PACRG: variants seen among roughly 807,000 people sequenced by gnomAD.
PACRG encodes the protein parkin coregulated gene protein.
Under a neutral mutation model 29.7 loss-of-function variants are expected in PACRG, and 29 were observed. That is an observed-to-expected ratio of 0.98 (90% CI 0.73 to 1.33). PACRG has a LOEUF of 1.33. Among genes scored for constraint, PACRG ranks in the 40% most tolerant of loss-of-function variants. The pLI is 0.00. For missense variants in PACRG, 279 were observed against 316.2 expected, an observed-to-expected ratio of 0.88 and a Z score of 0.89; for synonymous variants, 116 against 118.7, an observed-to-expected ratio of 0.98 and a Z score of 0.15.
intron 4 of PACRG, among the ~76,000 whole-genome samples, chr6:163,269,764 GAC>G (rs56863034): frequency 0.1 from 6,006 of 57,798 alleles, 829 homozygotes; most frequent in African/African-American, 0.15. Context: ...GAGAGAGAGA[GAC>G]AGACAGACAG....
intron 4 of PACRG, among the ~76,000 whole-genome samples, chr6:163,229,788 C>G (rs1781954176): frequency 6.6e-6 from 1 of 152,184 alleles, no homozygotes; most frequent in South Asian, 2.1e-4. Context: ...CTGACTTCCT[C>G]TCATGAGGAC....
intron 2 of PACRG, among the ~76,000 whole-genome samples, chr6:163,035,833 A>G (rs1173197694): frequency 1.3e-5 from 2 of 151,308 alleles, no homozygotes; most frequent in Non-Finnish European, 2.9e-5. Context: ...AAAAAAAAAA[A>G]ACAAAGAATG....
chr6:163,229,776 C>T (rs1562328027), intron 4 of PACRG, among the ~76,000 whole-genome samples: 3 of 152,136 alleles, frequency 2.0e-5, no homozygotes, highest in Admixed American at 6.5e-5. Context: ...ATGAGGAAAG[C>T]GCTGACTTCC....
At chr6:162,905,439 A>G (rs1376615128) in intron 2 of PACRG, among the ~76,000 whole-genome samples, 1 of 152,184 alleles carries the variant, frequency 6.6e-6, no homozygotes, top group Non-Finnish European at 1.5e-5. Flanking sequence ...TGCTGACCAG[A>G]CTGGCAGCAT....
chr6:162,864,024 T>C (rs958203609), intron 2 of PACRG, among the ~76,000 whole-genome samples: 2 of 152,290 alleles, frequency 1.3e-5, no homozygotes, highest in South Asian at 4.1e-4. Context: ...CCAAGGAATT[T>C]TCCATCCTCT....
intron 2 of PACRG, among the ~76,000 whole-genome samples, chr6:162,995,348 C>T (rs906397751): frequency 5.3e-5 from 8 of 151,568 alleles, no homozygotes; most frequent in Admixed American, 2.0e-4. Flanking sequence ...GCCTCGCTGC[C>T]GCCTTGCAGT....
chr6:162,894,991 T>A (rs1241984239), intron 2 of PACRG, among the ~76,000 whole-genome samples: 1 of 152,118 alleles, frequency 6.6e-6, no homozygotes, highest in African/African-American at 2.4e-5. Context: ...ACATTGAAGA[T>A]TAAAAATAAA....
intron 2 of PACRG, among the ~76,000 whole-genome samples, chr6:162,822,030 T>C (rs1787888510): frequency 6.6e-6 from 1 of 152,218 alleles, no homozygotes. Flanking sequence ...TACATGTATG[T>C]ATGTTTTTTA....
intron 2 of PACRG, among the ~76,000 whole-genome samples, chr6:162,970,374 A>C (rs9355415): frequency 0.58 from 87,591 of 151,474 alleles, 25,505 homozygotes; most frequent in Middle Eastern, 0.71. Context: ...CTTAGGTTCT[A>C]CTGGAGAGCT....
intron 2 of PACRG, among the ~76,000 whole-genome samples, chr6:162,978,017 G>A (rs867063392): frequency 7.2e-5 from 11 of 151,738 alleles, no homozygotes; most frequent in South Asian, 4.2e-4. Context: ...GTTGGCAGGC[G>A]CCTGTAATCC....
intron 4 of PACRG, among the ~76,000 whole-genome samples, chr6:163,223,907 A>G (rs1437821495): frequency 6.6e-6 from 1 of 152,208 alleles, no homozygotes; most frequent in Non-Finnish European, 1.5e-5. Flanking sequence ...TTCCCTGGAA[A>G]TGGGCTCTGA....
chr6:163,225,047 C>T (rs1239736246), intron 4 of PACRG, among the ~76,000 whole-genome samples: 1 of 152,130 alleles, frequency 6.6e-6, no homozygotes, highest in Non-Finnish European at 1.5e-5. Context: ...TCTGAATAGA[C>T]ATTTCTCAAA....
intron 4 of PACRG, chr6:163,165,356 C>G (rs1054345182): frequency 6.6e-6 from 1 of 152,052 alleles, no homozygotes; most frequent in African/African-American, 2.4e-5. Flanking sequence ...GCGCTGAGGA[C>G]GGCAGAACGG....
chr6:162,989,491 C>T (rs1315286644), intron 2 of PACRG, among the ~76,000 whole-genome samples: 2 of 152,152 alleles, frequency 1.3e-5, no homozygotes, highest in Admixed American at 6.5e-5. Flanking sequence ...CTACACACAT[C>T]CTCCTGTATA....
At chr6:163,129,923 G>T (rs1200664912) in intron 4 of PACRG, among the ~76,000 whole-genome samples, 6 of 152,200 alleles carry the variant, frequency 3.9e-5, no homozygotes, top group African/African-American at 1.4e-4. Context: ...AGATTAGAAG[G>T]GGTGGATCAT....
At chr6:162,987,614 T>G (rs957678233) in intron 2 of PACRG, among the ~76,000 whole-genome samples, 2 of 152,146 alleles carry the variant, frequency 1.3e-5, no homozygotes, top group Non-Finnish European at 2.9e-5. Context: ...TCCTTCACCT[T>G]CCGCCATGAT....
intron 1 of PACRG, among the ~76,000 whole-genome samples, chr6:162,774,469 A>C (rs1281844163): frequency 6.6e-6 from 1 of 152,226 alleles, no homozygotes; most frequent in African/African-American, 2.4e-5. Flanking sequence ...TAGTTATGGA[A>C]TTGCTTTCCC....
intron 4 of PACRG, among the ~76,000 whole-genome samples, chr6:163,226,536 G>A (rs892720874): frequency 1.3e-5 from 2 of 152,198 alleles, no homozygotes; most frequent in African/African-American, 4.8e-5. Flanking sequence ...AGGAAGAAAC[G>A]GCTGGGCAGG....
chr6:162,791,307 G>GTTTTT lies in PACRG; in HGVS notation c.157-22837_157-22836insTTTTT, dbSNP rs141410582. ...CCCCACTCTGACTCCTAGTTTGTTTGTTTGTTTTTTTTTTTTTTGCTTTGC... is the reference window on the plus strand; with the variant it reads ...CCCCACTCTGACTCCTAGTTTGTTTGTTTTTTTTGTTTTTTTTTTTTTTGCTTTGC... On this transcript the variant is annotated intron_variant, in intron 1 of 4. Coordinates refer to ENST00000366888, the MANE Select transcript of PACRG (RefSeq NM_001080379.2). 2.3e-3 allele frequency among the ~76,000 whole-genome samples: 272 copies of GTTTTT among 117,710 alleles called. 9 individuals carry two copies. Among genetic ancestry groups the GTTTTT allele is most frequent in the African/African-American group, 3.4e-3 (103 of 30,174 alleles). The allele number at this position is 117,710 out of a possible 152,430, so 77.2% of individuals were successfully genotyped here.
Sources: allele counts gnomAD v4.1 joint callset (sites outside exome capture counted in the v4.1 genomes callset), GRCh38; gene constraint gnomAD v4.1.1; transcripts MANE v1.5; gene names NCBI Gene and HGNC (gene_info 2026-07-23, HGNC 2026-07-21).